PLXNA2: variants seen among roughly 807,000 people sequenced by gnomAD.
The protein encoded by PLXNA2 is plexin A2, also known as plexin-A2.
Under a neutral mutation model 193.5 loss-of-function variants are expected in PLXNA2, and 91 were observed. The observed-to-expected ratio is 0.47, with a 90% confidence interval of 0.40 to 0.56. The LOEUF (loss-of-function observed/expected upper bound fraction) is 0.56, where lower values mean the gene tolerates loss of function less well. Among genes scored for constraint, PLXNA2 ranks in the 20% least tolerant of loss-of-function variants. The pLI, the probability that PLXNA2 is intolerant of heterozygous loss-of-function variation, is 0.00. For missense variants in PLXNA2, 1,995 were observed against 2,503.2 expected (o/e 0.80, Z 4.33); for synonymous variants, 997 against 1,027.3 (o/e 0.97, Z 0.56).
chr1:208,040,295 G>A, intron 22 of PLXNA2: 3 of 563,422 alleles, frequency 5.3e-6, no homozygotes, highest in East Asian at 3.0e-5. Context: ...GGCCTTTTCA[G>A]CCCTGATGGT....
At chr1:208,062,042 T>C (rs1276692094) in intron 12 of PLXNA2, among the ~76,000 whole-genome samples, 1 of 151,962 alleles carries the variant, frequency 6.6e-6, no homozygotes, top group Admixed American at 6.6e-5. Context: ...TACTACACCA[T>C]AGGGAGGGCA....
chr1:208,033,174 G>A (rs531287765), intron 28 of PLXNA2, 145 bp downstream of exon 28: 59 of 735,958 alleles, frequency 8.0e-5, no homozygotes, highest in Non-Finnish European at 1.1e-4. Flanking sequence ...GGGATTATGG[G>A]CATGAGCCAC....
intron 1 of PLXNA2, among the ~76,000 whole-genome samples, chr1:208,224,931 G>T (rs949083393): frequency 6.6e-6 from 1 of 152,160 alleles, no homozygotes; most frequent in Non-Finnish European, 1.5e-5. Flanking sequence ...CTACATCCAC[G>T]CTCCAATAAC....
chr1:208,137,171 T>C (rs1668327560), intron 4 of PLXNA2, among the ~76,000 whole-genome samples: 1 of 152,126 alleles, frequency 6.6e-6, no homozygotes. Flanking sequence ...CACACACCCA[T>C]CACCATCCTT....
intron 4 of PLXNA2, among the ~76,000 whole-genome samples, chr1:208,115,156 A>G (rs1667598790): frequency 6.6e-6 from 1 of 152,158 alleles, no homozygotes; most frequent in Middle Eastern, 3.2e-3. Flanking sequence ...CAATGACCAC[A>G]TGGCCTCAGT....
At chr1:208,151,741 A>T (rs761749544) in intron 3 of PLXNA2, among the ~76,000 whole-genome samples, 1 of 152,254 alleles carries the variant, frequency 6.6e-6, no homozygotes, top group South Asian at 2.1e-4. Context: ...AGAAAAAGAC[A>T]TGTTAAGTGT....
At chr1:208,161,331 G>A (rs1344852530) in intron 3 of PLXNA2, among the ~76,000 whole-genome samples, 1 of 152,108 alleles carries the variant, frequency 6.6e-6, no homozygotes, top group Non-Finnish European at 1.5e-5. Flanking sequence ...CCAGAAGGCT[G>A]GTGAACTGCA....
intron 4 of PLXNA2, among the ~76,000 whole-genome samples, chr1:208,120,919 G>A (rs1488651602): frequency 2.0e-5 from 3 of 152,164 alleles, no homozygotes; most frequent in African/African-American, 4.8e-5. Context: ...AGGGTGAAAA[G>A]TGGCCTGGGC....
At chr1:208,164,947 G>A (rs1198459140) in intron 3 of PLXNA2, among the ~76,000 whole-genome samples, 1 of 152,250 alleles carries the variant, frequency 6.6e-6, no homozygotes, top group African/African-American at 2.4e-5. Context: ...GGCCTTGCCA[G>A]GGGAATTACA....
In PLXNA2 at chr1:208,051,314, A is replaced by G; in HGVS notation, c.3103T>C (p.Phe1035Leu). The G allele has an allele frequency of 1.2e-6, 2 of 1,613,604 alleles. No individual in the cohort carries two copies. Among genetic ancestry groups the G allele is most frequent in the Non-Finnish European group, 1.7e-6 (2 of 1,179,852 alleles). The stretch of plus-strand genomic sequence containing the variant: ...ACCCGAGGGTCATCTATGTACTCAA[A>G]CTGCAGGTTGCTATCCACATGGGCT... The part of the protein sequence containing the change: ...DRAHVDSNLQ[F>L]EYIDDPRVQR... The change falls in exon 16 of 32, where the codon TTT becomes CTT. Residue 1035 changes from phenylalanine (F) to leucine (L), a missense_variant. Around this residue, in one of 3 missense-constraint regions of PLXNA2, gnomAD observed 1,291 missense variants for 1,673.6 expected, o/e 0.77. Coordinates refer to ENST00000367033, the MANE Select transcript of PLXNA2 (RefSeq NM_025179.4).
chr1:208,202,297 C>T (rs906644729), intron 3 of PLXNA2, among the ~76,000 whole-genome samples: 2 of 152,096 alleles, frequency 1.3e-5, no homozygotes, highest in African/African-American at 4.8e-5. Flanking sequence ...CCATTTTTGA[C>T]AGTTTTATTT....
At chr1:208,243,296 C>G (rs966621321) in intron 1 of PLXNA2, among the ~76,000 whole-genome samples, 3 of 152,136 alleles carry the variant, frequency 2.0e-5, no homozygotes, top group Admixed American at 6.5e-5. Flanking sequence ...CTTGCCGCCC[C>G]GAGCTCCCCA....
intron 12 of PLXNA2, among the ~76,000 whole-genome samples, chr1:208,061,948 G>A (rs141627066): frequency 8.3e-4 from 127 of 152,242 alleles, no homozygotes; most frequent in African/African-American, 3.0e-3. Context: ...ACAGCAAGAC[G>A]AATGAGACCC....
intron 1 of PLXNA2, among the ~76,000 whole-genome samples, chr1:208,226,576 T>G (rs1671517871): frequency 6.6e-6 from 1 of 151,964 alleles, no homozygotes; most frequent in South Asian, 2.1e-4. Context: ...CTTTGCAAAG[T>G]CAAAACAAGA....
Position 208,217,211 on chromosome 1 carries a change from G to A in PLXNA2, c.712C>T (p.His238Tyr), listed in dbSNP as rs1367775237. ...IPSDTLALVS[H>Y]FDIFYIYGFA... ...CCGTAGATGTAGAAGATGTCAAAGT[G>A]GGAGACCAGGGCCAGGGTGTCTGAA... Residue 238 changes from histidine to tyrosine, a missense_variant, in exon 2 of 32, where the codon CAC becomes TAC. Transcript: ENST00000367033. The surrounding 1 kb of genome is among the most constrained non-coding windows in gnomAD (Gnocchi z 4.7). The A allele has an allele frequency of 6.2e-7, 1 of 1,614,174 alleles. No homozygotes were observed. The highest frequency in any genetic ancestry group is 2.2e-5 in the East Asian group (1 of 44,876).
intron 17 of PLXNA2, 86 bp from the exon 18 acceptor site, chr1:208,046,203 G>A: frequency 6.9e-6 from 10 of 1,455,480 alleles, no homozygotes; most frequent in Non-Finnish European, 9.2e-6. Flanking sequence ...CCCTCTCTCT[G>A]CTTTTGTGCC....
chr1:208,206,132 G>A (rs1210838077), intron 3 of PLXNA2, among the ~76,000 whole-genome samples: 1 of 152,214 alleles, frequency 6.6e-6, no homozygotes, highest in Non-Finnish European at 1.5e-5. Flanking sequence ...AGTAAATTAT[G>A]TTATGTAAAG....
rs372194895 is a variant in PLXNA2 at position 208,060,666 on chromosome 1, G to A, written c.2738+20C>T. On this transcript the variant is annotated intron_variant, in intron 13 of 31. Coordinates refer to ENST00000367033, the MANE Select transcript of PLXNA2 (RefSeq NM_025179.4). ...ACTCTGAAGCTCCCATGGGAAAAGG[G>A]CTGGCCAGGGCGGACTCACTGCTCA... 8 of 1,599,126 alleles carry A rather than the reference G, an allele frequency of 5.0e-6. No individual in the cohort carries two copies. The highest frequency in any genetic ancestry group is 1.3e-5 in the African/African-American group (1 of 74,386).
At chr1:208,074,737 A>G (rs1666092549) in intron 12 of PLXNA2, among the ~76,000 whole-genome samples, 1 of 152,108 alleles carries the variant, frequency 6.6e-6, no homozygotes, top group Non-Finnish European at 1.5e-5. Flanking sequence ...TCCAGCTTCC[A>G]CTTATTTCCA....
Sources: allele counts gnomAD v4.1 joint callset (sites outside exome capture counted in the v4.1 genomes callset), GRCh38; gene constraint gnomAD v4.1.1; regional missense constraint gnomAD v4.1.1; non-coding constraint Gnocchi (gnomAD v3.1); transcripts MANE v1.5; gene names NCBI Gene and HGNC (gene_info 2026-07-23, HGNC 2026-07-21).